SPTSSB: variants seen among roughly 807,000 people sequenced by gnomAD.
SPTSSB encodes the protein serine palmitoyltransferase small subunit B, also known as androgen down regulated in mouse prostate.
SPTSSB carries 6 observed loss-of-function variants against 7.7 expected under a neutral mutation model. That is an observed-to-expected ratio of 0.78 (90% CI 0.43 to 1.54). The LOEUF (loss-of-function observed/expected upper bound fraction) is 1.54, where lower values mean the gene tolerates loss of function less well. SPTSSB is among the 40% of genes most tolerant of loss of function. SPTSSB has a pLI of 0.01. For synonymous variants in SPTSSB, 28 were observed against 29.7 expected (o/e 0.94, Z 0.19); for missense variants, 91 against 93.0 (o/e 0.98, Z 0.09).
chr3:161,347,503 C>T (rs1714305628), intron 2 of SPTSSB, among the ~76,000 whole-genome samples: 1 of 151,536 alleles, frequency 6.6e-6, no homozygotes, highest in East Asian at 2.0e-4. Flanking sequence ...CACAGGTGAT[C>T]TGCCCGCCTC....
intron 2 of SPTSSB, among the ~76,000 whole-genome samples, chr3:161,358,550 G>T (rs750193599): frequency 6.6e-6 from 1 of 152,156 alleles, no homozygotes; most frequent in African/African-American, 2.4e-5. Flanking sequence ...GTGAATGTTA[G>T]CTATTATGAT....
chr3:161,365,175 C>T (rs569529109), intron 1 of SPTSSB, among the ~76,000 whole-genome samples: 1 of 152,324 alleles, frequency 6.6e-6, no homozygotes, highest in South Asian at 2.1e-4. Context: ...TTACTTTATG[C>T]AGCTCACTTA....
chr3:161,355,370 A>G (rs1362036515), intron 2 of SPTSSB, among the ~76,000 whole-genome samples: 1 of 152,226 alleles, frequency 6.6e-6, no homozygotes, highest in African/African-American at 2.4e-5. Context: ...AAAGCCACCA[A>G]AAGTTGTTTT....
chr3:161,353,903 C>CCTT (rs1222891508), intron 2 of SPTSSB, among the ~76,000 whole-genome samples: 14 of 152,060 alleles, frequency 9.2e-5, no homozygotes, highest in African/African-American at 3.1e-4. Context: ...TACTCCCCAG[C>CCTT]CTTCCTTTGG....
rs147573486 is a variant in SPTSSB, at chr3:161,367,245, C to A, written c.-126+4190G>T. ...ACATTAAAAATTATTTTATATAAAT[C>A]TTTTAATTAGAGAAAATATTACAGT... On this transcript the variant is annotated intron_variant, in intron 1 of 2. Transcript: ENST00000620149. Among the ~76,000 whole-genome samples, 1,355 of 152,190 alleles carry A rather than the reference C, an allele frequency of 8.9e-3. 23 individuals carry two copies. The highest frequency in any genetic ancestry group is 0.032 in the African/African-American group (1,308 of 41,520).
In SPTSSB at chr3:161,346,537, G is replaced by T. The variant is rs554031649; in HGVS notation, c.-32-182C>A. On this transcript the variant is annotated intron_variant, in intron 2 of 2. Coordinates refer to ENST00000620149, the MANE Select transcript of SPTSSB (RefSeq NM_001040100.2). ...ATTAACTATAAAAATTAATAATATTGTCACCACTACTAATAATCACTACTA... is the reference window on the plus strand; with the variant it reads ...ATTAACTATAAAAATTAATAATATTTTCACCACTACTAATAATCACTACTA... Among the ~76,000 whole-genome samples, 584 of 152,020 alleles carry T rather than the reference G, an allele frequency of 3.8e-3. 2 individuals are homozygous for T. Among genetic ancestry groups the T allele is most frequent in the Non-Finnish European group, 6.4e-3 (432 of 67,968 alleles).
intron 1 of SPTSSB, among the ~76,000 whole-genome samples, chr3:161,360,290 T>C (rs530697465): frequency 1.6e-4 from 25 of 152,314 alleles, no homozygotes; most frequent in African/African-American, 5.5e-4. Context: ...TTGACTTTAT[T>C]AATCTCTCTG....
chr3:161,361,749 C>T (rs1335977232), intron 1 of SPTSSB, among the ~76,000 whole-genome samples: 1 of 152,082 alleles, frequency 6.6e-6, no homozygotes, highest in Non-Finnish European at 1.5e-5. Flanking sequence ...TTCCTCTTAT[C>T]TAACAGATTC....
intron 2 of SPTSSB, chr3:161,348,077 C>A (rs1214782371): frequency 6.6e-6 from 1 of 152,068 alleles, no homozygotes; most frequent in Non-Finnish European, 1.5e-5. Flanking sequence ...AACAAACATG[C>A]AGTGATCGAG....
chr3:161,370,574 A>G (rs1715465977), intron 1 of SPTSSB, among the ~76,000 whole-genome samples: 1 of 152,206 alleles, frequency 6.6e-6, no homozygotes, highest in Non-Finnish European at 1.5e-5. Context: ...GTCTTTCTTA[A>G]TTTTTGTCTA....
In SPTSSB at chr3:161,346,183, G is replaced by A. The variant is rs1465897453; in HGVS notation, c.141C>T (p.Tyr47=). The change falls in exon 3 of 3, where the codon TAC becomes TAT. Residue 47 remains tyrosine, a synonymous_variant. Transcript: ENST00000620149. ...ILLTIIAMVV[Y]TAYVFIPIHI... ...GGATTGGAATAAAGACATAGGCAGTGTATACCACCATAGCAATAATGGTTA... is the reference window on the plus strand; with the variant it reads ...GGATTGGAATAAAGACATAGGCAGTATATACCACCATAGCAATAATGGTTA... 1.2e-6 allele frequency: 2 copies of A among 1,612,818 alleles called. No homozygotes were observed. Among genetic ancestry groups the A allele is most frequent in the Non-Finnish European group, 8.5e-7 (1 of 1,178,802 alleles).
At chr3:161,369,314 C>CTTTCTCTTTCTT (rs1278233391) in intron 1 of SPTSSB, among the ~76,000 whole-genome samples, 180 of 65,710 alleles carry the variant, frequency 2.7e-3, no homozygotes, top group African/African-American at 0.011. Context: ...TTCTTTCTTT[C>CTTTCTCTTTCTT]TCTTTCTTTC....
rs1714171240 is a variant in SPTSSB at position 161,345,410 on chromosome 3, C to A, written c.*683G>T. ...ACTTTGATTATACTTTAGTTTCTTA[C>A]ACTTAAAATTATTTTGTATTATAAT... On this transcript the variant is annotated 3_prime_UTR_variant, in exon 3 of 3. Transcript: ENST00000620149. 1 of 152,538 alleles carries A rather than the reference C, an allele frequency of 6.6e-6. No individual in the cohort carries two copies. Among genetic ancestry groups the A allele is most frequent in the South Asian group, 2.1e-4 (1 of 4,832 alleles). 9.4% of individuals were successfully genotyped at this position (152,538 alleles called of 1,614,324 possible).
chr3:161,369,328 CTTTCTTTCTTTCTTTCTT>C (rs1715384122), intron 1 of SPTSSB, among the ~76,000 whole-genome samples: 1 of 60,146 alleles, frequency 1.7e-5, no homozygotes, highest in African/African-American at 7.9e-5. Flanking sequence ...TTCTTTCTTT[CTTTCTTTCTTTCTTTCTT>C]TCTTTCTCTT....
chr3:161,369,932 T>C (rs1362267202), intron 1 of SPTSSB, among the ~76,000 whole-genome samples: 2 of 152,232 alleles, frequency 1.3e-5, no homozygotes, highest in East Asian at 1.9e-4. Flanking sequence ...GTGCTGTATG[T>C]CCTTAGGACA....
At chr3:161,350,420 A>G (rs1472585811) in intron 2 of SPTSSB, among the ~76,000 whole-genome samples, 3 of 152,198 alleles carry the variant, frequency 2.0e-5, no homozygotes, top group Admixed American at 1.3e-4. Context: ...TTACTTCTAG[A>G]ACATCAGAAT....
intron 1 of SPTSSB, among the ~76,000 whole-genome samples, chr3:161,366,138 A>G (rs1363166127): frequency 6.6e-6 from 1 of 152,334 alleles, no homozygotes; most frequent in Non-Finnish European, 1.5e-5. Flanking sequence ...AATTCTCTGG[A>G]AGACTGTAAG....
intron 2 of SPTSSB, among the ~76,000 whole-genome samples, chr3:161,354,684 A>G (rs949399194): frequency 1.3e-5 from 2 of 152,234 alleles, no homozygotes; most frequent in Non-Finnish European, 2.9e-5. Flanking sequence ...ATTAACACTA[A>G]CAAAAGCAAA....
rs948731049 is a variant in SPTSSB, at chr3:161,345,168, A to C, written c.*925T>G. ...TAATAAATCTTGTTTTGGCTCTGCA[A>C]AGGAGCCACTATATCAAAGCATTTA... On this transcript the variant is annotated 3_prime_UTR_variant, in exon 3 of 3. Coordinates refer to ENST00000620149, the MANE Select transcript of SPTSSB (RefSeq NM_001040100.2). The C allele has an allele frequency of 1.3e-5, 2 of 152,638 alleles. No individual in the cohort carries two copies. The highest frequency in any genetic ancestry group is 4.8e-5 in the African/African-American group (2 of 41,446). The allele number at this position is 152,638 out of a possible 1,614,324, so 9.5% of individuals were successfully genotyped here.
Sources: allele counts gnomAD v4.1 joint callset (sites outside exome capture counted in the v4.1 genomes callset), GRCh38; gene constraint gnomAD v4.1.1; transcripts MANE v1.5; gene names NCBI Gene and HGNC (gene_info 2026-07-23, HGNC 2026-07-21).